The following RRM1 variants were observed in gnomAD, a reference collection of about 807,000 sequenced individuals.
RRM1 encodes ribonucleoside-diphosphate reductase large subunit.
RRM1 carries 19 observed loss-of-function variants against 101.5 expected under a neutral mutation model. That is an observed-to-expected ratio of 0.19 (90% CI 0.13 to 0.27). The LOEUF is 0.27. Ranked by LOEUF, RRM1 falls within the 10% of genes least tolerant of loss-of-function variation. The pLI is 1.00. For synonymous variants in RRM1, 298 were observed against 323.4 expected (o/e 0.92, Z 0.84); for missense variants, 500 against 962.9 (o/e 0.52, Z 6.36).
chr11:4,120,703 A>G (rs2094580420), intron 9 of RRM1, among the ~76,000 whole-genome samples: 1 of 152,218 alleles, frequency 6.6e-6, no homozygotes, highest in Non-Finnish European at 1.5e-5. Context: ...ACTACCTGGA[A>G]TAACAAAACT....
chr11:4,105,492 A>C (rs571216089), intron 2 of RRM1: 1 of 358,120 alleles, frequency 2.8e-6, no homozygotes, highest in South Asian at 2.2e-5. Flanking sequence ...TGGCGTCCCA[A>C]AGTGTTGGGA....
At chr11:4,102,482 A>AC (rs1288433749) in intron 2 of RRM1, among the ~76,000 whole-genome samples, 1 of 152,064 alleles carries the variant, frequency 6.6e-6, no homozygotes, top group African/African-American at 2.4e-5. Context: ...ACATGGTGAA[A>AC]CCCCGTCTCT....
chr11:4,128,373 A>G (rs2094593500), intron 14 of RRM1, among the ~76,000 whole-genome samples: 1 of 152,132 alleles, frequency 6.6e-6, no homozygotes, highest in Non-Finnish European at 1.5e-5. Flanking sequence ...TGGCCTCCCA[A>G]AGTGCTGGGA....
chr11:4,133,460 T>C (rs548594773), intron 16 of RRM1, 103 bp from the exon 17 acceptor site: 5 of 643,340 alleles, frequency 7.8e-6, no homozygotes, highest in Non-Finnish European at 1.3e-5. Flanking sequence ...AATCTAGCAT[T>C]AAATAACTCT....
In RRM1 at chr11:4,107,487, T is replaced by A; in HGVS notation, c.339T>A (p.Ser113=). The A allele has an allele frequency of 6.2e-7, 1 of 1,613,720 alleles. No individual in the cohort carries two copies. Among genetic ancestry groups the A allele is most frequent in the South Asian group, 1.1e-5 (1 of 91,070 alleles). The change falls in exon 4 of 19, where the codon TCT becomes TCA. Residue 113 remains serine (S), a synonymous_variant. Transcript: ENST00000300738. ...TAAATCCACATAATGGCAAACACTC[T>A]CCCATGGTGGCCAAGTCAACATTGG... ...NYINPHNGKH[S]PMVAKSTLDI...
At chr11:4,098,760 G>A (rs932200761) in intron 1 of RRM1, among the ~76,000 whole-genome samples, 2 of 152,148 alleles carry the variant, frequency 1.3e-5, no homozygotes, top group African/African-American at 4.8e-5. Context: ...TGACTTCTTG[G>A]TGTGGGTGGG....
At chr11:4,130,512 A>G (rs941672988) in intron 15 of RRM1, among the ~76,000 whole-genome samples, 3 of 152,134 alleles carry the variant, frequency 2.0e-5, no homozygotes, top group Non-Finnish European at 4.4e-5. Context: ...CTTGGGCAAC[A>G]TGGCGAAACT....
At position 4,112,045 on chromosome 11, in the gene RRM1, C is replaced by G; in HGVS notation, c.633C>G (p.Asn211Lys). The change falls in exon 7 of 19, where the codon AAC (asparagine) becomes AAG (lysine). Residue 211 changes from asparagine (N) to lysine (K), a missense_variant. Coordinates refer to ENST00000300738, the MANE Select transcript of RRM1 (RefSeq NM_001033.5). ...CCACTCTCTTCAATGCTGGTACCAA[C>G]CGCCCACAACTTTCTAGGTAGGTGT... ...ASPTLFNAGT[N>K]RPQLSSCFLL... The G allele has an allele frequency of 6.2e-7, 1 of 1,613,298 alleles. No individual in the cohort carries two copies. Among genetic ancestry groups the G allele is most frequent in the Non-Finnish European group, 8.5e-7 (1 of 1,179,620 alleles).
In RRM1 at chr11:4,138,810, G is replaced by T; in HGVS notation, c.*427G>T. 1 of 201,094 alleles carries T rather than the reference G, an allele frequency of 5.0e-6. No individual in the cohort carries two copies. 12.5% of individuals were successfully genotyped at this position (201,094 alleles called of 1,614,324 possible). On this transcript the variant is annotated 3_prime_UTR_variant, in exon 19 of 19. Coordinates refer to ENST00000300738, the MANE Select transcript of RRM1 (RefSeq NM_001033.5). ...TGAGTGATAACTCATGAGAAGTACTGATAGGACCTTTATCTGGATATGGTC... is the reference window on the plus strand; with the variant it reads ...TGAGTGATAACTCATGAGAAGTACTTATAGGACCTTTATCTGGATATGGTC...
At chr11:4,103,565 A>G (rs1178369659) in intron 2 of RRM1, among the ~76,000 whole-genome samples, 3 of 152,034 alleles carry the variant, frequency 2.0e-5, no homozygotes, top group Non-Finnish European at 4.4e-5. Context: ...TCTGTTGAAA[A>G]ACTGTCGGTG....
rs565127450 is a variant in RRM1, at chr11:4,127,004, C to T, written c.1471-31C>T. 20 of 1,571,920 alleles carry T rather than the reference C, an allele frequency of 1.3e-5. No homozygotes were observed. The African/African-American group carries it at 2.5e-4, about 19-fold the overall frequency. On this transcript the variant is annotated intron_variant, in intron 13 of 18. Coordinates refer to ENST00000300738, the MANE Select transcript of RRM1 (RefSeq NM_001033.5). The stretch of plus-strand genomic sequence containing the variant: ...TGCTTTTCCTGTTCAGTAATGTTTT[C>T]TCCTTTTCTTTAAAATCTGTTGACA...
At chr11:4,128,803 T>C (rs1316469104) in intron 14 of RRM1, among the ~76,000 whole-genome samples, 1 of 152,200 alleles carries the variant, frequency 6.6e-6, no homozygotes, top group Non-Finnish European at 1.5e-5. Flanking sequence ...AAAGAGAATG[T>C]GTCAGCCACA....
In RRM1 at chr11:4,138,601, A is replaced by G. The variant is rs2094618592; in HGVS notation, c.*218A>G. On this transcript the variant is annotated 3_prime_UTR_variant, in exon 19 of 19. Coordinates refer to ENST00000300738, the MANE Select transcript of RRM1 (RefSeq NM_001033.5). ...AAAATAATGCTTTTGAAAAAAAGAA[A>G]AAAAAAACGGATATATTGAGAATCA... The G allele has an allele frequency of 8.4e-6, 3 of 358,296 alleles. No individual in the cohort carries two copies. The highest frequency in any genetic ancestry group is 1.5e-5 in the Non-Finnish European group (3 of 201,292). 22.2% of individuals were successfully genotyped at this position (358,296 alleles called of 1,614,324 possible).
At chr11:4,131,282 C>T (rs1362254263) in intron 15 of RRM1, among the ~76,000 whole-genome samples, 1 of 152,208 alleles carries the variant, frequency 6.6e-6, no homozygotes, top group Non-Finnish European at 1.5e-5. Context: ...GTAACCTCCT[C>T]TGTGATTAAA....
intron 7 of RRM1, among the ~76,000 whole-genome samples, chr11:4,117,481 T>C (rs1017572492): frequency 1.3e-5 from 2 of 152,228 alleles, no homozygotes; most frequent in Non-Finnish European, 2.9e-5. Flanking sequence ...TGTTTACATA[T>C]ATCAAAAGGA....
rs112873721 is a variant in RRM1, at chr11:4,109,572, G to C, written c.388-72G>C. On this transcript the variant is annotated intron_variant, in intron 4 of 18. Coordinates refer to ENST00000300738, the MANE Select transcript of RRM1 (RefSeq NM_001033.5). ...TGATTTTAGTTCTGGAGTCAGGGCC[G>C]AGAGATAAGAGATTTTGTGAAAATA... is the stretch of plus-strand genomic sequence containing the variant. 1.4e-3 allele frequency: 1,721 copies of C among 1,242,020 alleles called. 6 individuals carry two copies. In the African/African-American group the frequency reaches 0.022, roughly 16 times the overall value. The allele number at this position is 1,242,020 out of a possible 1,614,324, so 76.9% of individuals were successfully genotyped here. A position where few individuals can be genotyped will look rare whatever the true frequency, so the allele number is the denominator to read the frequency against.
intron 18 of RRM1, among the ~76,000 whole-genome samples, chr11:4,136,588 C>T (rs1259945677): frequency 1.3e-5 from 2 of 151,892 alleles, no homozygotes; most frequent in African/African-American, 4.8e-5. Context: ...GACGGAGTCT[C>T]GCTCTGTTGC....
At chr11:4,101,795 T>A in intron 1 of RRM1, 198 bp from the exon 2 acceptor site, 1 of 553,464 alleles carries the variant, frequency 1.8e-6, no homozygotes, top group Middle Eastern at 4.8e-4. Flanking sequence ...TCTGTCTGTA[T>A]AGAATTCATA....
chr11:4,128,789 A>G (rs1019078566), intron 14 of RRM1, among the ~76,000 whole-genome samples: 1 of 152,170 alleles, frequency 6.6e-6, no homozygotes, highest in Admixed American at 6.6e-5. Flanking sequence ...TTTTAGTGTT[A>G]AAAAAAGAGA....
Sources: gnomAD v4.1 joint callset for allele counts (sites outside exome capture counted in the v4.1 genomes callset) on GRCh38, gnomAD v4.1.1 for gene constraint, MANE v1.5 for transcripts, NCBI Gene and HGNC (gene_info 2026-07-23, HGNC 2026-07-21) for gene names.